The following POMZP3 variants were observed in gnomAD, a reference collection of about 807,000 sequenced individuals.
POMZP3 encodes the protein POM121 and ZP3 fusion protein.
Under a neutral mutation model 19.8 loss-of-function variants are expected in POMZP3, and 10 were observed. The observed-to-expected ratio is 0.51, with a 90% CI of 0.31 to 0.86. POMZP3 has a LOEUF of 0.86. Among genes scored for constraint, POMZP3 ranks in the 40% least tolerant of loss-of-function variants. The pLI is 0.04. For missense variants in POMZP3, 152 were observed against 228.1 expected, an observed-to-expected ratio of 0.67 and a Z score of 2.15; for synonymous variants, 57 against 85.8, an observed-to-expected ratio of 0.66 and a Z score of 1.85.
chr7:76,624,976 C>T (rs1199802604), intron 3 of POMZP3, among the ~76,000 whole-genome samples: 2 of 150,672 alleles, frequency 1.3e-5, no homozygotes, highest in Non-Finnish European at 3.0e-5. Flanking sequence ...ACTAAAAATA[C>T]AAAAAAATTA....
chr7:76,626,367 C>G lies in POMZP3; in HGVS notation c.-151-152G>C. 13 of 726,782 alleles carry G rather than the reference C, an allele frequency of 1.8e-5. No homozygotes were observed. The South Asian group carries it at 2.4e-4, about 14-fold the overall frequency. The allele number at this position is 726,782 out of a possible 1,614,324, so 45.0% of individuals were successfully genotyped here. ...CACGTTGTTTTTATGGCAACTTTCCCCTATTCCATCTAAGAGCAGAGAGTG... is the reference window on the plus strand; with the variant it reads ...CACGTTGTTTTTATGGCAACTTTCCGCTATTCCATCTAAGAGCAGAGAGTG... On this transcript the variant is annotated intron_variant, in intron 1 of 6. Transcript: ENST00000310842.
chr7:76,610,930 A>G (rs7792149), intron 6 of POMZP3, among the ~76,000 whole-genome samples: 75,480 of 138,572 alleles, frequency 0.54, 20,714 homozygotes, highest in Middle Eastern at 0.71. Context: ...GCTGGAGTAC[A>G]ATGGTGCAAT....
rs199861564 is a variant in POMZP3 at position 76,626,210 on chromosome 7, C to T, written c.-146G>A. ...TACAAACCGATCTGGTAAAGTCCCA[C>T]GATCCCTGCAGAGAATGCGAGACAA... On this transcript the variant is annotated 5_prime_UTR_variant, in exon 2 of 7. The change creates a new upstream start codon in the 5' untranslated region. Coordinates refer to ENST00000310842, the MANE Select transcript of POMZP3 (RefSeq NM_012230.5). The T allele has an allele frequency of 3.9e-5, 61 of 1,554,296 alleles. 1 individual carries two copies. In the East Asian group the frequency reaches 1.0e-3, roughly 27 times the overall value.
Position 76,611,927 on chromosome 7 carries a change from G to A in POMZP3, c.346-114C>T, listed in dbSNP as rs397840467. 3.8e-3 allele frequency: 5,745 copies of A among 1,514,004 alleles called. 189 individuals are homozygous for A. In the African/African-American group the frequency reaches 0.072, roughly 19 times the overall value. 93.8% of individuals were successfully genotyped at this position (1,514,004 alleles called of 1,614,324 possible). A position where few individuals can be genotyped will look rare whatever the true frequency, so the allele number is the denominator to read the frequency against. Reference sequence around the variant, plus strand: ...TAAAGAGTGAGAAGGGGCCGGGTGCGATGGCACACACCTATAATCCCAGCA... The same window carrying A: ...TAAAGAGTGAGAAGGGGCCGGGTGCAATGGCACACACCTATAATCCCAGCA... On this transcript the variant is annotated intron_variant, in intron 4 of 6. Coordinates refer to ENST00000310842, the MANE Select transcript of POMZP3 (RefSeq NM_012230.5).
chr7:76,611,970 G>A (rs1264195624), intron 4 of POMZP3, among the ~76,000 whole-genome samples, 157 bp from the exon 5 acceptor site: 2 of 151,292 alleles, frequency 1.3e-5, no homozygotes, highest in Admixed American at 6.6e-5. Flanking sequence ...AGGCCAAGGC[G>A]GGTATATCAC....
In POMZP3 at chr7:76,618,342, C is replaced by T. The variant is rs186824588; in HGVS notation, c.228-42G>A. ...ACGGTGTTAAAGCCAGACAGGTGGG[C>T]CGGGCACCGTGGCTCACGCCCATAA... On this transcript the variant is annotated intron_variant, in intron 3 of 6. Coordinates refer to ENST00000310842, the MANE Select transcript of POMZP3 (RefSeq NM_012230.5). The T allele has an allele frequency of 7.4e-3, 11,856 of 1,612,466 alleles. 103 individuals are homozygous for T. The highest frequency in any genetic ancestry group is 0.031 in the Admixed American group (1,846 of 59,960).
At chr7:76,616,098 A>C (rs1292584155) in intron 4 of POMZP3, among the ~76,000 whole-genome samples, 1 of 125,738 alleles carries the variant, frequency 8.0e-6, no homozygotes, top group Non-Finnish European at 1.7e-5. Flanking sequence ...GCCTGGCCAA[A>C]ATGATGAAAC....
chr7:76,615,606 C>T (rs1815256619), intron 4 of POMZP3: 1 of 85,572 alleles, frequency 1.2e-5, no homozygotes, highest in East Asian at 2.6e-4. Context: ...AGCCTGGCTG[C>T]GTATTAGAGT....
chr7:76,621,940 A>T lies in POMZP3; in HGVS notation c.227+3582T>A, dbSNP rs866445695. Among the ~76,000 whole-genome samples, 46 of 75,520 alleles carry T rather than the reference A, an allele frequency of 6.1e-4. 9 individuals are homozygous for T. Among genetic ancestry groups the T allele is most frequent in the Admixed American group, 2.8e-3 (22 of 7,792 alleles). 49.5% of individuals were successfully genotyped at this position (75,520 alleles called of 152,430 possible). On this transcript the variant is annotated intron_variant, in intron 3 of 6. Transcript: ENST00000310842. Reference sequence around the variant, plus strand: ...GGGTGACAGCAAGACTCCGTTTCAAAAAATAAATAAATAAATAAATAAATA... The same window carrying T: ...GGGTGACAGCAAGACTCCGTTTCAATAAATAAATAAATAAATAAATAAATA...
Position 76,626,865 on chromosome 7 carries a change from G to C in POMZP3, c.-309C>G, listed in dbSNP as rs916226634. 180 of 1,401,160 alleles carry C rather than the reference G, an allele frequency of 1.3e-4. 1 individual carries two copies. Among genetic ancestry groups the C allele is most frequent in the Non-Finnish European group, 1.5e-4 (164 of 1,087,126 alleles). The allele number at this position is 1,401,160 out of a possible 1,614,324, so 86.8% of individuals were successfully genotyped here. The stretch of plus-strand genomic sequence containing the variant: ...TCCGCAGGTCCTGGCCCTCCGGAGC[G>C]GGGGCGGGCTGCGGCGGCCCGGGCT... On this transcript the variant is annotated 5_prime_UTR_variant, in exon 1 of 7. Coordinates refer to ENST00000310842, the MANE Select transcript of POMZP3 (RefSeq NM_012230.5).
At chr7:76,610,706 G>A (rs369168632) in intron 6 of POMZP3, among the ~76,000 whole-genome samples, 3 of 148,984 alleles carry the variant, frequency 2.0e-5, no homozygotes, top group East Asian at 4.0e-4. Context: ...TACGGAGAAA[G>A]CAGGTCACCC....
chr7:76,625,959 G>A (rs1338729425), intron 2 of POMZP3, 41 bp downstream of exon 2: 21 of 1,609,776 alleles, frequency 1.3e-5, no homozygotes, highest in Non-Finnish European at 1.8e-5. Context: ...GAATAAAGTG[G>A]ACACGAAAAG....
intron 5 of POMZP3, 56 bp from the exon 6 acceptor site, chr7:76,611,647 G>A (rs541528685): frequency 1.3e-6 from 2 of 1,564,306 alleles, no homozygotes; most frequent in Admixed American, 1.7e-5. Context: ...GCAGTTTGCT[G>A]ATAATATATT....
intron 4 of POMZP3, among the ~76,000 whole-genome samples, chr7:76,615,299 CCT>C (rs1437522542): frequency 1.0e-5 from 1 of 96,936 alleles, no homozygotes; most frequent in African/African-American, 4.4e-5. Flanking sequence ...CAACCAGGAT[CCT>C]CTCCCCTAAG....
In POMZP3 at chr7:76,617,977, G is replaced by A. The variant is rs1255960452; in HGVS notation, c.345+206C>T. 8.9e-5 allele frequency among the ~76,000 whole-genome samples: 11 copies of A among 123,376 alleles called. No homozygotes were observed. The East Asian group carries it at 1.7e-3, about 19-fold the overall frequency. 80.9% of individuals were successfully genotyped at this position (123,376 alleles called of 152,430 possible). A position where few individuals can be genotyped will look rare whatever the true frequency, so the allele number is the denominator to read the frequency against. On this transcript the variant is annotated intron_variant, in intron 4 of 6. Coordinates refer to ENST00000310842, the MANE Select transcript of POMZP3 (RefSeq NM_012230.5). ...ATTGGGATTACAAGCATGAGCCACC[G>A]TGCCCGGCCTCTACCTCTTAAGGCT...
At chr7:76,623,999 G>T (rs548204584) in intron 3 of POMZP3, among the ~76,000 whole-genome samples, 1 of 143,430 alleles carries the variant, frequency 7.0e-6, no homozygotes, top group Non-Finnish European at 1.5e-5. Context: ...TAGGAGAGAC[G>T]TGAAAAAAAG....
At chr7:76,618,936 C>T (rs113803363) in intron 3 of POMZP3, among the ~76,000 whole-genome samples, 4,411 of 152,140 alleles carry the variant, frequency 0.029, 188 homozygotes, top group African/African-American at 0.1. Flanking sequence ...TACAAGCGTG[C>T]ACCACCATGT....
chr7:76,618,155 CCTT>C lies in POMZP3; in HGVS notation c.345+25_345+27del, dbSNP rs1384082329. 3 of 1,562,272 alleles carry C rather than the reference CCTT, an allele frequency of 1.9e-6. No homozygotes were observed. The African/African-American group carries it at 4.1e-5, about 21-fold the overall frequency. ...TAGGATATGAAGGTTGCAAGTTCAG[CCTT>C]CTTTCAGGCTGTTAAAGCTCTTACC... On this transcript the variant is annotated intron_variant, in intron 4 of 6. Coordinates refer to ENST00000310842, the MANE Select transcript of POMZP3 (RefSeq NM_012230.5).
chr7:76,626,813 G>A lies in POMZP3; in HGVS notation c.-257C>T. The A allele has an allele frequency of 1.5e-6, 2 of 1,366,284 alleles. No individual in the cohort carries two copies. Among genetic ancestry groups the A allele is most frequent in the Non-Finnish European group, 1.9e-6 (2 of 1,063,606 alleles). The allele number at this position is 1,366,284 out of a possible 1,614,324, so 84.6% of individuals were successfully genotyped here. A position where few individuals can be genotyped will look rare whatever the true frequency, so the allele number is the denominator to read the frequency against. Reference sequence around the variant, plus strand: ...GGAGGGCGGTGTGGAGCGCGGCGCCGGGCGGGCGGGCGGCGGCCAGGCCTA... The same window carrying A: ...GGAGGGCGGTGTGGAGCGCGGCGCCAGGCGGGCGGGCGGCGGCCAGGCCTA... On this transcript the variant is annotated 5_prime_UTR_variant, in exon 1 of 7. Transcript: ENST00000310842.
Sources: gnomAD v4.1 joint callset for allele counts (sites outside exome capture counted in the v4.1 genomes callset) on GRCh38, gnomAD v4.1.1 for gene constraint, MANE v1.5 for transcripts, NCBI Gene and HGNC (gene_info 2026-07-23, HGNC 2026-07-21) for gene names.